SPTA1: variants seen among roughly 807,000 people sequenced by gnomAD.
SPTA1 encodes spectrin alpha chain, erythrocytic 1.
SPTA1 carries 177 observed loss-of-function variants against 324.7 expected under a neutral mutation model. That is an observed-to-expected ratio of 0.55 (90% CI 0.48 to 0.62). The LOEUF (loss-of-function observed/expected upper bound fraction) is 0.62. SPTA1 is among the 20% of genes least tolerant of loss of function. SPTA1 has a pLI of 0.00. For missense variants in SPTA1, 3,162 were observed against 2,883.6 expected (o/e 1.10, Z -2.21); for synonymous variants, 1,195 against 1,041.3 (o/e 1.15, Z -2.84).
At chr1:158,643,524 G>T in intron 30 of SPTA1, 99 bp from the exon 31 acceptor site, 2 of 1,149,578 alleles carry the variant, frequency 1.7e-6, no homozygotes, top group South Asian at 1.3e-5. Context: ...ATCCTTTGTG[G>T]ATTCAGAAGA....
At chr1:158,683,168 G>A (rs931586915) in intron 3 of SPTA1, among the ~76,000 whole-genome samples, 1 of 152,100 alleles carries the variant, frequency 6.6e-6, no homozygotes, top group Non-Finnish European at 1.5e-5. Flanking sequence ...GCCATTTAAT[G>A]ACAGCTTTAA....
chr1:158,613,425 T>A (rs1475879053), intron 50 of SPTA1, among the ~76,000 whole-genome samples: 1 of 152,104 alleles, frequency 6.6e-6, no homozygotes, highest in African/African-American at 2.4e-5. Flanking sequence ...AAATCTCACA[T>A]ACATGAAGGG....
In SPTA1 at chr1:158,642,797, T is replaced by G. The variant is rs1192840953; in HGVS notation, c.4605+17A>C. 1.2e-6 allele frequency: 2 copies of G among 1,613,722 alleles called. No homozygotes were observed. The highest frequency in any genetic ancestry group is 2.2e-5 in the South Asian group (2 of 91,016). On this transcript the variant is annotated intron_variant, in intron 32 of 51. Transcript: ENST00000643759. ...TCGGAATGGTGAAATTTTCCAAGAT[T>G]CCTATTTTGAACTTGCCTGAATGTT... is the stretch of plus-strand genomic sequence containing the variant.
chr1:158,615,516 T>C (rs1360918084), intron 47 of SPTA1, 113 bp from the exon 48 acceptor site: 5 of 1,088,308 alleles, frequency 4.6e-6, no homozygotes, highest in Non-Finnish European at 6.8e-6. Context: ...CTTCTTGTTC[T>C]CTGTGAAAAG....
In SPTA1 at chr1:158,618,028, A is replaced by G. The variant is rs1260833888; in HGVS notation, c.6548+11T>C. 1.9e-6 allele frequency: 3 copies of G among 1,610,828 alleles called. No individual in the cohort carries two copies. The African/African-American group carries it at 4.0e-5, about 22-fold the overall frequency. ...AATAAAGCAAACATGATGATAACAT[A>G]AAATACTGACCCATCCAGAAAGTAA... On this transcript the variant is annotated intron_variant, in intron 46 of 51. Coordinates refer to ENST00000643759, the MANE Select transcript of SPTA1 (RefSeq NM_003126.4).
chr1:158,660,302 GAAAC>G (rs1271542206), intron 18 of SPTA1, among the ~76,000 whole-genome samples: 5 of 152,064 alleles, frequency 3.3e-5, no homozygotes, highest in African/African-American at 1.2e-4. Context: ...TTAAATATAA[GAAAC>G]AGAGTGCAAG....
In SPTA1 at chr1:158,669,529, G is replaced by A. The variant is rs1489347663; in HGVS notation, c.1712C>T (p.Ala571Val). 1.2e-6 allele frequency: 2 copies of A among 1,613,998 alleles called. No homozygotes were observed. The highest frequency in any genetic ancestry group is 2.7e-5 in the African/African-American group (2 of 74,920). The change falls in exon 14 of 52, where the codon GCT becomes GTT. Residue 571 changes from alanine to valine, a missense_variant. Ala to Val is a moderately conservative substitution (Grantham distance 64). Coordinates refer to ENST00000643759, the MANE Select transcript of SPTA1 (RefSeq NM_003126.4). ...CTTCAGCAATCTACGTCTAGTGGCA[G>A]CCTTTTCACGTAGGGCATCCCGCCG... Reference protein sequence around the residue: ...LARRDALREKAATRRRLLKES... With the variant: ...LARRDALREKVATRRRLLKES...
At position 158,639,878 on chromosome 1, in the gene SPTA1, G is replaced by A. The variant is rs1404568727; in HGVS notation, c.4867C>T (p.Leu1623Phe). 2 of 1,613,942 alleles carry A rather than the reference G, an allele frequency of 1.2e-6. No homozygotes were observed. Among genetic ancestry groups the A allele is most frequent in the South Asian group, 2.2e-5 (2 of 91,070 alleles). The change falls in exon 34 of 52, where the codon CTC (leucine) becomes TTC (phenylalanine). Residue 1623 changes from leucine to phenylalanine, a missense_variant. Leu to Phe is a conservative substitution (Grantham distance 22). Transcript: ENST00000643759. The part of the protein sequence containing the change: ...NTSIRDFEFW[L>F]SEAETLLAMK... ...TTTCCGGGTGCAATTACCTCTGAGA[G>A]CCAGAACTCAAAGTCCCGGATGCTT...
chr1:158,648,654 C>G lies in SPTA1; in HGVS notation c.3570-1G>C. ...CTGCTCCTTCGTGTCATCTGCTTCT[C>G]TGGTATACAAGAGAGTAGAGAGTTC... is the stretch of plus-strand genomic sequence containing the variant. On this transcript the variant is annotated splice_acceptor_variant, in intron 25 of 51. Transcript: ENST00000643759. LOFTEE classifies it high-confidence loss of function. 6.2e-7 allele frequency: 1 copy of G among 1,613,606 alleles called. No individual in the cohort carries two copies. Among genetic ancestry groups the G allele is most frequent in the Non-Finnish European group, 8.5e-7 (1 of 1,179,824 alleles).
Position 158,614,306 on chromosome 1 carries a change from C to A in SPTA1, c.6789G>T (p.Lys2263Asn). The A allele has an allele frequency of 1.3e-6, 2 of 1,548,720 alleles. No homozygotes were observed. The highest frequency in any genetic ancestry group is 1.8e-6 in the Non-Finnish European group (2 of 1,141,430). ...TCTCTTCACTCACACCTTTGATGTC[C>A]CTGAAAGAAAAAAAAAAAACATGAA... is the stretch of plus-strand genomic sequence containing the variant. ...QHNLEQQIQA[K>N]DIKGVSEETL... is the part of the protein sequence containing the mutation. The change falls in exon 49 of 52, where the codon AAG becomes AAT. Residue 2263 changes from lysine to asparagine, a missense_variant and splice_region_variant. By Grantham distance (94) the Lys-to-Asn change is moderately conservative. Transcript: ENST00000643759.
chr1:158,663,248 T>C (rs2101894028), intron 16 of SPTA1, among the ~76,000 whole-genome samples: 1 of 152,316 alleles, frequency 6.6e-6, no homozygotes, highest in Middle Eastern at 3.4e-3. Flanking sequence ...TTAAGAGTAT[T>C]GACAAACTGG....
intron 12 of SPTA1, among the ~76,000 whole-genome samples, chr1:158,670,569 A>G (rs1411472600): frequency 2.0e-5 from 3 of 152,166 alleles, no homozygotes; most frequent in Non-Finnish European, 2.9e-5. Flanking sequence ...AGGTAGTGGT[A>G]TGTATGTGCA....
intron 47 of SPTA1, among the ~76,000 whole-genome samples, chr1:158,616,104 C>CT (rs982068904): frequency 7.2e-5 from 11 of 151,764 alleles, no homozygotes; most frequent in South Asian, 2.1e-4. Flanking sequence ...TGCCTGACAT[C>CT]TTTTTTTTAA....
At chr1:158,657,343 C>G (rs1371690531) in intron 19 of SPTA1, 134 bp downstream of exon 19, 3 of 890,702 alleles carry the variant, frequency 3.4e-6, no homozygotes, top group East Asian at 2.5e-5. Context: ...AGATGAAGGC[C>G]AACGGCGACC....
In SPTA1 at chr1:158,652,566, T is replaced by C. The variant is rs1202942065; in HGVS notation, c.3276A>G (p.Gly1092=). 1 of 1,614,120 alleles carries C rather than the reference T, an allele frequency of 6.2e-7. No homozygotes were observed. Among genetic ancestry groups the C allele is most frequent in the East Asian group, 2.2e-5 (1 of 44,862 alleles). Residue 1092 remains glycine (G), a synonymous_variant, in exon 23 of 52, where the codon GGA becomes GGG. Coordinates refer to ENST00000643759, the MANE Select transcript of SPTA1 (RefSeq NM_003126.4). ...TCTCTTGAATCCATTCCAGCATGTC[T>C]CCTGCCTCATAGGCCAATAAAAATT... The part of the protein sequence containing the change: ...YNEFLLAYEA[G]DMLEWIQEKK...
intron 36 of SPTA1, among the ~76,000 whole-genome samples, chr1:158,637,318 A>G (rs1651157398): frequency 6.6e-6 from 1 of 152,156 alleles, no homozygotes; most frequent in Non-Finnish European, 1.5e-5. Flanking sequence ...AAAACATGTT[A>G]TTTGTTGCCC....
chr1:158,648,438 G>A (rs1652158184), intron 26 of SPTA1, 71 bp downstream of exon 26: 1 of 1,595,692 alleles, frequency 6.3e-7, no homozygotes, highest in African/African-American at 1.3e-5. Context: ...GAGAACCAAA[G>A]AAGAGGGCAT....
intron 23 of SPTA1, 65 bp from the exon 24 acceptor site, chr1:158,651,533 A>C: frequency 9.5e-7 from 1 of 1,056,716 alleles, no homozygotes; most frequent in Non-Finnish European, 1.5e-6. Context: ...CCCCTCATCA[A>C]GAATCTACCA....
chr1:158,674,557 T>C lies in SPTA1; in HGVS notation c.1231A>G (p.Arg411Gly). Residue 411 changes from arginine (R) to glycine (G), a missense_variant, in exon 9 of 52, where the codon AGG becomes GGG. Coordinates refer to ENST00000643759, the MANE Select transcript of SPTA1 (RefSeq NM_003126.4). ...TTCTCTACCTTATGCTGCTGATGCCTGTCCAGCAGAACTTCTCCACCAGCC... is the reference window on the plus strand; with the variant it reads ...TTCTCTACCTTATGCTGCTGATGCCCGTCCAGCAGAACTTCTCCACCAGCC... ...DVAGGEVLLD[R>G]HQQHKHEIDS... 1.2e-6 allele frequency: 2 copies of C among 1,614,124 alleles called. No individual in the cohort carries two copies.
Sources: allele counts gnomAD v4.1 joint callset (sites outside exome capture counted in the v4.1 genomes callset), GRCh38; gene constraint gnomAD v4.1.1; transcripts MANE v1.5; gene names NCBI Gene and HGNC (gene_info 2026-07-23, HGNC 2026-07-21).